TMEM132D: variants seen among roughly 807,000 people sequenced by gnomAD.
The protein encoded by TMEM132D is mature OL transmembrane protein.
Under a neutral mutation model 62.3 loss-of-function variants are expected in TMEM132D, and 21 were observed. That is an observed-to-expected ratio of 0.34 (90% CI 0.24 to 0.49). The LOEUF is 0.49. Ranked by LOEUF, TMEM132D falls within the 20% of genes least tolerant of loss-of-function variation. The probability of loss-of-function intolerance (pLI) is 0.99; values close to 1 mark genes in which losing one functional copy is unlikely to be tolerated. For synonymous variants in TMEM132D, 621 were observed against 575.6 expected, an observed-to-expected ratio of 1.08 and a Z score of -1.13; for missense variants, 1,346 against 1,402.8, an observed-to-expected ratio of 0.96 and a Z score of 0.65.
intron 2 of TMEM132D, among the ~76,000 whole-genome samples, chr12:129,536,846 C>A (rs185179606): frequency 6.6e-6 from 1 of 152,256 alleles, no homozygotes; most frequent in African/African-American, 2.4e-5. Context: ...TTGTCATGCA[C>A]CCCTATCAGT....
chr12:129,370,774 G>A (rs1377335735), intron 3 of TMEM132D, among the ~76,000 whole-genome samples: 1 of 152,154 alleles, frequency 6.6e-6, no homozygotes, highest in East Asian at 1.9e-4. Flanking sequence ...AACTAAGCCA[G>A]GCAGAGAAAG....
intron 1 of TMEM132D, among the ~76,000 whole-genome samples, chr12:129,846,703 C>A (rs900285424): frequency 6.6e-6 from 1 of 152,100 alleles, no homozygotes; most frequent in Non-Finnish European, 1.5e-5. Context: ...ATTCTCCTGA[C>A]CTGTATTCCA....
chr12:129,228,043 T>C (rs1879530403), intron 4 of TMEM132D, among the ~76,000 whole-genome samples: 1 of 152,238 alleles, frequency 6.6e-6, no homozygotes, highest in Non-Finnish European at 1.5e-5. Flanking sequence ...TACAAGATGA[T>C]GAATTTGTTT....
chr12:129,513,658 T>C (rs1285847066), intron 3 of TMEM132D, among the ~76,000 whole-genome samples: 1 of 150,398 alleles, frequency 6.6e-6, no homozygotes, highest in East Asian at 2.0e-4. Flanking sequence ...ATAATTTTTT[T>C]GTATTTTTAG....
At chr12:129,403,710 G>A (rs1463570447) in intron 3 of TMEM132D, among the ~76,000 whole-genome samples, 7 of 152,052 alleles carry the variant, frequency 4.6e-5, no homozygotes, top group African/African-American at 7.2e-5. Context: ...CTGTTGACTC[G>A]CATGGAGTTA....
At chr12:129,682,826 T>G in intron 2 of TMEM132D, 1 of 124,226 alleles carries the variant, frequency 8.0e-6, no homozygotes, top group South Asian at 2.6e-4. Context: ...GCCATTGCAC[T>G]CCAGCCTGGG....
Position 129,827,917 on chromosome 12 carries a change from CAT to C in TMEM132D, c.79+75342_79+75343del, listed in dbSNP as rs1188982810. The stretch of plus-strand genomic sequence containing the variant: ...ATAATCTTCCTAAAGAAATGGGCCA[CAT>C]GTTTGTTTATATTAATGTTAATAAC... On this transcript the variant is annotated intron_variant, in intron 1 of 8. Coordinates refer to ENST00000422113, the MANE Select transcript of TMEM132D (RefSeq NM_133448.3). This position sits in a 1 kb window ranked among gnomAD's most constrained non-coding sequence, Gnocchi z 9.7. Among the ~76,000 whole-genome samples the C allele has an allele frequency of 3.3e-5, 5 of 152,138 alleles. No individual in the cohort carries two copies. The highest frequency in any genetic ancestry group is 4.8e-5 in the African/African-American group (2 of 41,422).
intron 2 of TMEM132D, among the ~76,000 whole-genome samples, chr12:129,573,480 C>T (rs766370316): frequency 2.0e-5 from 3 of 152,136 alleles, no homozygotes; most frequent in Non-Finnish European, 2.9e-5. Flanking sequence ...ATGGGACTCA[C>T]GTGAGCTCAC....
chr12:129,587,738 G>A (rs924449509), intron 2 of TMEM132D, among the ~76,000 whole-genome samples: 2 of 152,102 alleles, frequency 1.3e-5, no homozygotes, highest in African/African-American at 4.8e-5. Context: ...TTTCCACAAA[G>A]GAGCCGTATT....
intron 3 of TMEM132D, among the ~76,000 whole-genome samples, chr12:129,375,649 C>T (rs941904453): frequency 1.3e-5 from 2 of 151,666 alleles, no homozygotes; most frequent in East Asian, 1.9e-4. Flanking sequence ...CAGTTGTCCT[C>T]AACCTGGACG....
At chr12:129,109,431 T>C (rs907905253) in intron 5 of TMEM132D, among the ~76,000 whole-genome samples, 1 of 152,220 alleles carries the variant, frequency 6.6e-6, no homozygotes, top group African/African-American at 2.4e-5. Context: ...ATAAACTCCT[T>C]AGACTTTTGC....
intron 3 of TMEM132D, among the ~76,000 whole-genome samples, chr12:129,372,989 G>C (rs1870662277): frequency 6.6e-6 from 1 of 152,076 alleles, no homozygotes; most frequent in African/African-American, 2.4e-5. Flanking sequence ...CACTAAGTTT[G>C]TGGTAGTTAC....
chr12:129,127,802 G>A (rs1876259408), intron 5 of TMEM132D, among the ~76,000 whole-genome samples: 1 of 152,172 alleles, frequency 6.6e-6, no homozygotes. Context: ...TGCACCCGAT[G>A]CCTCTTGTCT....
intron 1 of TMEM132D, among the ~76,000 whole-genome samples, chr12:129,705,997 T>C (rs1881498272): frequency 6.6e-6 from 1 of 152,062 alleles, no homozygotes; most frequent in Non-Finnish European, 1.5e-5. Context: ...TTCTGATAAC[T>C]TAAATTTTGG....
At chr12:129,370,605 A>G (rs10847843) in intron 3 of TMEM132D, among the ~76,000 whole-genome samples, 26,123 of 152,250 alleles carry the variant, frequency 0.17, 2,736 homozygotes, top group Non-Finnish European at 0.24. Context: ...ACTTCTATTC[A>G]CAATAGCGAA....
intron 4 of TMEM132D, among the ~76,000 whole-genome samples, chr12:129,255,935 CA>C (rs1258999962): frequency 6.6e-6 from 1 of 152,180 alleles, no homozygotes; most frequent in Non-Finnish European, 1.5e-5. Flanking sequence ...TGGCTTAGAT[CA>C]GTCCAGGACC....
intron 1 of TMEM132D, among the ~76,000 whole-genome samples, chr12:129,848,841 A>G (rs1421572764): frequency 2.6e-5 from 4 of 152,160 alleles, no homozygotes; most frequent in Non-Finnish European, 5.9e-5. Flanking sequence ...AAGTGGGAGG[A>G]CAACCACGTG....
intron 4 of TMEM132D, among the ~76,000 whole-genome samples, chr12:129,328,769 C>A (rs549261577): frequency 1.3e-4 from 20 of 152,114 alleles, no homozygotes; most frequent in African/African-American, 4.6e-4. Context: ...CGCTCTGTTT[C>A]CCGTGTGAGA....
chr12:129,890,238 G>A (rs1383015992), intron 1 of TMEM132D, among the ~76,000 whole-genome samples: 2 of 152,160 alleles, frequency 1.3e-5, no homozygotes, highest in East Asian at 3.9e-4. Flanking sequence ...GCATCCATCT[G>A]GAACTTGGCG....
Sources: allele counts gnomAD v4.1 joint callset (sites outside exome capture counted in the v4.1 genomes callset), GRCh38; gene constraint gnomAD v4.1.1; non-coding constraint Gnocchi (gnomAD v3.1); transcripts MANE v1.5; gene names NCBI Gene and HGNC (gene_info 2026-07-23, HGNC 2026-07-21).